The following ESRRB variants were observed in gnomAD, a reference collection of about 807,000 sequenced individuals.
ESRRB encodes the protein estrogen related receptor beta, also known as steroid hormone receptor ERR2.
Under a neutral mutation model 46.0 loss-of-function variants are expected in ESRRB, and 16 were observed. The observed-to-expected ratio is 0.35, with a 90% confidence interval of 0.24 to 0.53. The LOEUF (loss-of-function observed/expected upper bound fraction) is 0.53. Among genes scored for constraint, ESRRB ranks in the 20% least tolerant of loss-of-function variants. ESRRB has a pLI of 0.93. For synonymous variants in ESRRB, 246 were observed against 259.6 expected, an observed-to-expected ratio of 0.95 and a Z score of 0.50; for missense variants, 488 against 607.4, an observed-to-expected ratio of 0.80 and a Z score of 2.07.
At chr14:76,367,899 G>A (rs1401625626), upstream of ESRRB, among the ~76,000 whole-genome samples, 2 of 147,926 alleles carry the variant, frequency 1.4e-5, no homozygotes, top group African/African-American at 2.5e-5. Context: ...GAAGGCCTTT[G>A]TCCCCCTCCA....
chr14:76,421,212 G>A (rs1298433058), intron 1 of ESRRB, among the ~76,000 whole-genome samples: 2 of 152,196 alleles, frequency 1.3e-5, no homozygotes, highest in Admixed American at 1.3e-4. Flanking sequence ...AAGTAGCCCT[G>A]TCTGGAGTCA....
At chr14:76,332,330 A>G (rs907505212) in intron 1 of ESRRB, among the ~76,000 whole-genome samples, 5 of 147,722 alleles carry the variant, frequency 3.4e-5, no homozygotes, top group Admixed American at 2.1e-4. Context: ...TTTTTGAGAC[A>G]GGGTCTCAAA....
rs1376607959 is a variant in ESRRB, at chr14:76,498,451, A to G, written c.1358A>G (p.Lys453Arg). The stretch of plus-strand genomic sequence containing the variant: ...CTCTTCCTGGAGATGCTGGAGGCCA[A>G]GGTGTGATGGCCCCGCACACGGACC... ...HKLFLEMLEA[K>R]V Residue 453 changes from lysine to arginine, a missense_variant, in exon 7 of 7, where the codon AAG becomes AGG. Lys to Arg is a conservative substitution (Grantham distance 26, BLOSUM62 2). Coordinates refer to ENST00000644823, the MANE Select transcript of ESRRB (RefSeq NM_001379180.1). The G allele has an allele frequency of 6.2e-7, 1 of 1,613,190 alleles. No individual in the cohort carries two copies. Among genetic ancestry groups the G allele is most frequent in the African/African-American group, 1.3e-5 (1 of 74,948 alleles).
At chr14:76,456,963 T>C (rs1178619389) in intron 2 of ESRRB, among the ~76,000 whole-genome samples, 3 of 152,130 alleles carry the variant, frequency 2.0e-5, no homozygotes, top group Non-Finnish European at 4.4e-5. Flanking sequence ...GTGGTACCAT[T>C]TGAGCTCTGT....
At chr14:76,449,764 T>G (rs1888306124) in intron 2 of ESRRB, among the ~76,000 whole-genome samples, 1 of 147,182 alleles carries the variant, frequency 6.8e-6, no homozygotes, top group Non-Finnish European at 1.5e-5. Flanking sequence ...TTCTTTCCTT[T>G]TTTTTTTTTT....
rs762582690 is a variant in ESRRB, at chr14:76,482,643, T to C, written c.734T>C (p.Leu245Pro). 1 of 1,614,080 alleles carries C rather than the reference T, an allele frequency of 6.2e-7. No individual in the cohort carries two copies. Among genetic ancestry groups the C allele is most frequent in the Admixed American group, 1.7e-5 (1 of 60,018 alleles). The change falls in exon 5 of 7, where the codon CTC (leucine) becomes CCC (proline). Residue 245 changes from leucine to proline, a missense_variant. By Grantham distance (98) the Leu-to-Pro change is moderately conservative (BLOSUM62 -3). Coordinates refer to ENST00000644823, the MANE Select transcript of ESRRB (RefSeq NM_001379180.1). The surrounding 1 kb of genome is among the most constrained non-coding windows in gnomAD (Gnocchi z 4.3). ...CTACTGGTGGCTGAGCCGGACAAGC[T>C]CTATGCCATGCCTCCCCCTGGTATG... ...SYLLVAEPDK[L>P]YAMPPPGMPE...
intron 1 of ESRRB, among the ~76,000 whole-genome samples, chr14:76,380,117 G>C (rs1406140072): frequency 1.3e-5 from 2 of 152,102 alleles, no homozygotes; most frequent in African/African-American, 4.8e-5. Context: ...TCATATTCCT[G>C]ATAACTGGAC....
In ESRRB at chr14:76,432,671, C is replaced by CTCTTT. The variant is rs761684349; in HGVS notation, c.51-6669_51-6668insCTTTT. Among the ~76,000 whole-genome samples the CTCTTT allele has an allele frequency of 3.6e-5, 4 of 111,472 alleles. 1 individual carries two copies. The highest frequency in any genetic ancestry group is 1.3e-4 in the African/African-American group (3 of 23,056). The allele number at this position is 111,472 out of a possible 152,430, so 73.1% of individuals were successfully genotyped here. A position where few individuals can be genotyped will look rare whatever the true frequency, so the allele number is the denominator to read the frequency against. On this transcript the variant is annotated intron_variant, in intron 1 of 6. Coordinates refer to ENST00000644823, the MANE Select transcript of ESRRB (RefSeq NM_001379180.1). ...TACTGAATAAGCTATTTCTCTCTCTCTTTTTTTTTTTTTTTTTTTTCTGAG... is the reference window on the plus strand; with the variant it reads ...TACTGAATAAGCTATTTCTCTCTCTCTCTTTTTTTTTTTTTTTTTTTTTTTCTGAG...
chr14:76,489,518 CATCA>C (rs998637363), intron 5 of ESRRB, among the ~76,000 whole-genome samples: 2 of 151,076 alleles, frequency 1.3e-5, no homozygotes. Flanking sequence ...TGAGAAGGTG[CATCA>C]ATCAAAGCTC....
intron 1 of ESRRB, among the ~76,000 whole-genome samples, chr14:76,349,395 C>T (rs1257755841): frequency 6.6e-6 from 1 of 152,204 alleles, no homozygotes; most frequent in African/African-American, 2.4e-5. Context: ...CACAAATAAT[C>T]AAGAGTTTCC....
At chr14:76,311,819 C>T (rs373761318) in intron 1 of ESRRB, among the ~76,000 whole-genome samples, 3 of 152,228 alleles carry the variant, frequency 2.0e-5, no homozygotes, top group East Asian at 3.9e-4. Context: ...GCCTTCCCGG[C>T]CACAGTCCTG....
chr14:76,482,165 C>T lies in ESRRB; in HGVS notation c.688+39C>T, dbSNP rs1439234281. ...CAGTCCCTGCCCCTTTTGCCAGCAT[C>T]TGTACCTGGAACATCAGGCATCCCT... is the stretch of plus-strand genomic sequence containing the variant. On this transcript the variant is annotated intron_variant, in intron 4 of 6. Coordinates refer to ENST00000644823, the MANE Select transcript of ESRRB (RefSeq NM_001379180.1). This position sits in a 1 kb window ranked among gnomAD's most constrained non-coding sequence, Gnocchi z 4.3. 4.1e-6 allele frequency: 6 copies of T among 1,457,870 alleles called. No homozygotes were observed. The highest frequency in any genetic ancestry group is 1.7e-4 in the Middle Eastern group (1 of 5,788). 90.3% of individuals were successfully genotyped at this position (1,457,870 alleles called of 1,614,324 possible).
At chr14:76,401,266 G>C (rs1256752622) in intron 1 of ESRRB, among the ~76,000 whole-genome samples, 1 of 152,210 alleles carries the variant, frequency 6.6e-6, no homozygotes, top group Non-Finnish European at 1.5e-5. Context: ...AGATTAAAGA[G>C]ACCATGATGA....
intron 3 of ESRRB, among the ~76,000 whole-genome samples, chr14:76,466,426 T>C (rs1446663294): frequency 6.6e-6 from 1 of 152,130 alleles, no homozygotes; most frequent in Non-Finnish European, 1.5e-5. Context: ...TCTCCCTCTC[T>C]CTTAAGACTG....
At chr14:76,328,298 C>G (rs1883960538) in intron 1 of ESRRB, among the ~76,000 whole-genome samples, 1 of 152,108 alleles carries the variant, frequency 6.6e-6, no homozygotes. Context: ...GTTTTAGAAA[C>G]TTCAAATGTA....
intron 1 of ESRRB, among the ~76,000 whole-genome samples, chr14:76,318,542 C>T (rs1883828809): frequency 6.6e-6 from 1 of 152,190 alleles, no homozygotes; most frequent in South Asian, 2.1e-4. Context: ...GAGCCTTATC[C>T]ACGTTGTAAC....
In ESRRB at chr14:76,319,491, T is replaced by G. The variant is rs529566557; in HGVS notation, c.2+8575T>G. ...TATTGTGGTCAGCCATCCATGACTC[T>G]TCTTTCCCCATCTCAGGCTAATAGT... On this transcript the variant is annotated intron_variant, in intron 1 of 6. Coordinates refer to the ESRRB transcript ENST00000512784. 1.1e-4 allele frequency among the ~76,000 whole-genome samples: 16 copies of G among 151,430 alleles called. 1 individual carries two copies. The South Asian group carries it at 3.3e-3, about 31-fold the overall frequency.
chr14:76,440,547 A>ACCTTCCTTCCTTCCTTCCTTCCTT (rs112136509), intron 2 of ESRRB, among the ~76,000 whole-genome samples: 3 of 150,990 alleles, frequency 2.0e-5, no homozygotes, highest in African/African-American at 7.3e-5. Context: ...TTTAAGACCG[A>ACCTTCCTTCCTTCCTTCCTTCCTT]CCTTCCTTCA....
chr14:76,437,842 C>T (rs556757140), intron 1 of ESRRB, among the ~76,000 whole-genome samples: 4 of 152,140 alleles, frequency 2.6e-5, no homozygotes, highest in Non-Finnish European at 4.4e-5. Flanking sequence ...AGCTGGGATA[C>T]GGGAGGGGAA....
Sources: allele counts gnomAD v4.1 joint callset (sites outside exome capture counted in the v4.1 genomes callset), GRCh38; gene constraint gnomAD v4.1.1; non-coding constraint Gnocchi (gnomAD v3.1); transcripts MANE v1.5; gene names NCBI Gene and HGNC (gene_info 2026-07-23, HGNC 2026-07-21).